MSH3: variants seen among roughly 807,000 people sequenced by gnomAD.
MSH3 encodes the protein DNA mismatch repair protein Msh3.
MSH3 carries 106 observed loss-of-function variants against 123.3 expected under a neutral mutation model. That is an observed-to-expected ratio of 0.86 (90% CI 0.73 to 1.01). The LOEUF is 1.01. Among genes scored for constraint, MSH3 ranks in the 50% least tolerant of loss-of-function variants. MSH3 has a pLI of 0.00. For missense variants in MSH3, 1,459 were observed against 1,347.6 expected (o/e 1.08, Z -1.29); for synonymous variants, 515 against 481.4 (o/e 1.07, Z -0.91).
At chr5:80,744,725 G>A in intron 12 of MSH3, 110 bp downstream of exon 12, 2 of 804,432 alleles carry the variant, frequency 2.5e-6, no homozygotes, top group Non-Finnish European at 4.2e-6. Context: ...TTTTAAATTG[G>A]AGAACATTTT....
chr5:80,738,875 C>T (rs1743561971), intron 10 of MSH3, among the ~76,000 whole-genome samples: 1 of 152,076 alleles, frequency 6.6e-6, no homozygotes, highest in Non-Finnish European at 1.5e-5. Flanking sequence ...GGGATTAATG[C>T]CCTTATATTA....
At chr5:80,746,400 AT>A in intron 12 of MSH3, 1 of 427,818 alleles carries the variant, frequency 2.3e-6, no homozygotes, top group Non-Finnish European at 4.6e-6. Flanking sequence ...CAGTAAAGTC[AT>A]TTTTGATATT....
chr5:80,729,905 A>G (rs984080752), intron 10 of MSH3, among the ~76,000 whole-genome samples: 6 of 152,240 alleles, frequency 3.9e-5, no homozygotes, highest in East Asian at 1.9e-4. Flanking sequence ...CCCATTCTGC[A>G]CAAGTGGGAG....
chr5:80,679,892 G>A (rs551218056), intron 8 of MSH3, among the ~76,000 whole-genome samples: 2 of 152,268 alleles, frequency 1.3e-5, no homozygotes, highest in East Asian at 1.9e-4. Context: ...GAAGTAGACT[G>A]TATATTGACG....
At chr5:80,741,679 CTG>C (rs781476656) in intron 11 of MSH3, 131 bp downstream of exon 11, 7 of 715,622 alleles carry the variant, frequency 9.8e-6, no homozygotes, top group South Asian at 1.5e-5. Flanking sequence ...TAATTGATAA[CTG>C]TAGCTCTTTT....
intron 21 of MSH3, among the ~76,000 whole-genome samples, chr5:80,864,372 T>A (rs1746064672): frequency 6.6e-6 from 1 of 152,114 alleles, no homozygotes; most frequent in African/African-American, 2.4e-5. Flanking sequence ...TTCAAAAATG[T>A]CCATGTCATA....
At chr5:80,722,115 G>A in intron 8 of MSH3, among the ~76,000 whole-genome samples, 1 of 152,132 alleles carries the variant, frequency 6.6e-6, no homozygotes, top group Non-Finnish European at 1.5e-5. Context: ...AGCAAAATAG[G>A]TAATAAAGTT....
intron 22 of MSH3, among the ~76,000 whole-genome samples, chr5:80,870,326 G>C (rs182670234): frequency 6.6e-6 from 1 of 152,202 alleles, no homozygotes; most frequent in Admixed American, 6.5e-5. Context: ...GGTCAGCATG[G>C]GATCTAGATT....
chr5:80,689,333 C>T (rs976085707), intron 8 of MSH3, among the ~76,000 whole-genome samples: 8 of 152,094 alleles, frequency 5.3e-5, no homozygotes, highest in African/African-American at 1.9e-4. Context: ...TTTTAATTTA[C>T]TACTTTGTGT....
chr5:80,869,765 G>A (rs572216146), intron 22 of MSH3, among the ~76,000 whole-genome samples: 13 of 128,104 alleles, frequency 1.0e-4, no homozygotes, highest in African/African-American at 3.5e-4. Context: ...ACTATCTCTT[G>A]TGCACTCTTT....
chr5:80,720,108 A>G (rs1751049908), intron 8 of MSH3, among the ~76,000 whole-genome samples: 1 of 152,138 alleles, frequency 6.6e-6, no homozygotes, highest in Non-Finnish European at 1.5e-5. Flanking sequence ...TATTTCTTTG[A>G]GTATCTTAAA....
intron 18 of MSH3, among the ~76,000 whole-genome samples, chr5:80,791,794 C>T (rs1242862684): frequency 1.3e-5 from 2 of 152,106 alleles, no homozygotes; most frequent in African/African-American, 4.8e-5. Context: ...AAAGAAATCA[C>T]AACGAGTGTG....
chr5:80,863,635 G>A (rs1746050107), intron 21 of MSH3, among the ~76,000 whole-genome samples: 1 of 151,442 alleles, frequency 6.6e-6, no homozygotes. Flanking sequence ...CGTGCCACTG[G>A]GCAACAGAGT....
chr5:80,849,896 C>A (rs1745799179), intron 20 of MSH3, among the ~76,000 whole-genome samples: 1 of 152,126 alleles, frequency 6.6e-6, no homozygotes, highest in Non-Finnish European at 1.5e-5. Flanking sequence ...ATGGGATTTT[C>A]TTTTCTATCA....
intron 12 of MSH3, 71 bp from the exon 13 acceptor site, chr5:80,761,475 A>T: frequency 6.4e-7 from 1 of 1,569,272 alleles, no homozygotes; most frequent in Non-Finnish European, 8.8e-7. Context: ...ATTCCTGGGC[A>T]TTAGAGTGGG....
intron 18 of MSH3, among the ~76,000 whole-genome samples, chr5:80,790,414 G>C (rs1223767117): frequency 6.6e-6 from 1 of 152,130 alleles, no homozygotes; most frequent in Admixed American, 6.5e-5. Context: ...CACTTACCAT[G>C]TGGGTTTATT....
Position 80,729,287 on chromosome 5 carries a change from C to T in MSH3, c.1568+322C>T, listed in dbSNP as rs372672942. The stretch of plus-strand genomic sequence containing the variant: ...AAAATTAGCCGGGCGTGGTGGTGGG[C>T]GCCTGTAGTCCCAGCTACTAGGGAG... On this transcript the variant is annotated intron_variant, in intron 10 of 23. Transcript: ENST00000265081. 2.1e-3 allele frequency among the ~76,000 whole-genome samples: 312 copies of T among 151,362 alleles called. 2 individuals carry two copies. The highest frequency in any genetic ancestry group is 7.1e-3 in the African/African-American group (294 of 41,266).
intron 19 of MSH3, among the ~76,000 whole-genome samples, chr5:80,806,625 G>A (rs115109737): frequency 0.039 from 5,962 of 152,208 alleles, 158 homozygotes; most frequent in Non-Finnish European, 0.06. Context: ...ATTTGCTATA[G>A]CATTATAATA....
intron 17 of MSH3, among the ~76,000 whole-genome samples, chr5:80,785,217 G>A: frequency 6.6e-6 from 1 of 152,140 alleles, no homozygotes; most frequent in East Asian, 1.9e-4. Flanking sequence ...TCCGTTTGTT[G>A]TCTTTTTCAC....
Sources: gnomAD v4.1 joint callset for allele counts (sites outside exome capture counted in the v4.1 genomes callset) on GRCh38, gnomAD v4.1.1 for gene constraint, MANE v1.5 for transcripts, NCBI Gene and HGNC (gene_info 2026-07-23, HGNC 2026-07-21) for gene names.